Variants in TRHDE observed in about 807,000 individuals in gnomAD.
The protein encoded by TRHDE is thyrotropin-releasing hormone-degrading ectoenzyme.
Under a neutral mutation model 125.7 loss-of-function variants are expected in TRHDE, and 72 were observed. The ratio of observed to expected loss-of-function variants is 0.57; its 90% CI spans 0.47 to 0.70. The LOEUF is 0.70. Among genes scored for constraint, TRHDE ranks in the 30% least tolerant of loss-of-function variants. TRHDE has a pLI of 0.00. For missense variants in TRHDE, 1,110 were observed against 1,327.1 expected (o/e 0.84, Z 2.54); for synonymous variants, 509 against 509.1 (o/e 1.00, Z 0.00).
At chr12:72,371,840 C>G (rs57916278) in intron 2 of TRHDE, among the ~76,000 whole-genome samples, 3 of 152,006 alleles carry the variant, frequency 2.0e-5, no homozygotes, top group Non-Finnish European at 4.4e-5. Flanking sequence ...TGAATAGTGC[C>G]GCAATAAACA....
intron 6 of TRHDE, among the ~76,000 whole-genome samples, chr12:72,520,559 T>C (rs928320280): frequency 3.3e-5 from 5 of 152,160 alleles, no homozygotes; most frequent in East Asian, 1.9e-4. Flanking sequence ...CCTAGTGAGA[T>C]GAACCCGGTA....
chr12:72,297,461 G>A (rs1305845589), intron 2 of TRHDE, among the ~76,000 whole-genome samples: 2 of 152,138 alleles, frequency 1.3e-5, no homozygotes, highest in Non-Finnish European at 1.5e-5. Flanking sequence ...CATGGAGTGA[G>A]CAGAAAGTAA....
intron 7 of TRHDE, among the ~76,000 whole-genome samples, chr12:72,558,911 G>A (rs1252814285): frequency 6.6e-6 from 1 of 152,112 alleles, no homozygotes; most frequent in Non-Finnish European, 1.5e-5. Flanking sequence ...TATCTATGTG[G>A]CTTGGATATC....
intron 2 of TRHDE, among the ~76,000 whole-genome samples, chr12:72,234,251 AG>A (rs2139375974): frequency 6.6e-6 from 1 of 152,302 alleles, no homozygotes; most frequent in South Asian, 2.1e-4. Context: ...TTTGTCAAAA[AG>A]ATGTTATCTT....
At chr12:72,181,067 A>G (rs111722276) in intron 2 of TRHDE, among the ~76,000 whole-genome samples, 2 of 152,188 alleles carry the variant, frequency 1.3e-5, no homozygotes, top group African/African-American at 2.4e-5. Context: ...AAGAAGGTAG[A>G]AGAAGACTGA....
At chr12:72,379,723 A>G (rs765823228) in intron 3 of TRHDE, among the ~76,000 whole-genome samples, 1 of 152,192 alleles carries the variant, frequency 6.6e-6, no homozygotes, top group Non-Finnish European at 1.5e-5. Flanking sequence ...CTCACAATTG[A>G]ACCACGCAGC....
At position 72,621,158 on chromosome 12, in the gene TRHDE, G is replaced by A. The variant is rs574504129; in HGVS notation, c.2520G>A (p.Pro840=). ...VATTYIKLGW[P]KNNFNGSLVQ... is the part of the protein sequence containing the mutation. ...CAACATATATCAAGCTTGGGTGGCCGAAAAATAATTTTAATGGATCTCTTG... is the reference window on the plus strand; with the variant it reads ...CAACATATATCAAGCTTGGGTGGCCAAAAAATAATTTTAATGGATCTCTTG... Residue 840 remains proline, a synonymous_variant, in exon 14 of 19, where the codon CCG becomes CCA. Coordinates refer to ENST00000261180, the MANE Select transcript of TRHDE (RefSeq NM_013381.3). The A allele has an allele frequency of 4.8e-5, 77 of 1,611,886 alleles. No individual in the cohort carries two copies. Among genetic ancestry groups the A allele is most frequent in the South Asian group, 2.4e-4 (22 of 91,016 alleles).
intron 12 of TRHDE, among the ~76,000 whole-genome samples, chr12:72,597,381 A>G (rs1874149821): frequency 6.6e-6 from 1 of 152,026 alleles, no homozygotes; most frequent in Non-Finnish European, 1.5e-5. Context: ...GAAAACTAAG[A>G]GAGGGGCCAG....
chr12:72,390,705 G>A (rs1333940866), intron 3 of TRHDE, among the ~76,000 whole-genome samples: 2 of 152,234 alleles, frequency 1.3e-5, no homozygotes, highest in African/African-American at 4.8e-5. Context: ...GACACTCCAT[G>A]ATTACTTATT....
rs1432171131 is a variant in TRHDE, at chr12:72,652,443, T to C, written c.2797T>C (p.Leu933=). 6.2e-7 allele frequency: 1 copy of C among 1,608,914 alleles called. No individual in the cohort carries two copies. Among genetic ancestry groups the C allele is most frequent in the Non-Finnish European group, 8.5e-7 (1 of 1,177,300 alleles). Residue 933 remains leucine, a synonymous_variant, in exon 16 of 19, where the codon TTA becomes CTA. Transcript: ENST00000261180. Reference sequence around the variant, plus strand: ...CACAGCAGTTTCTGAGAAGAAAATATTATTGGAAGCCTTAACTTGCAGTGA... The same window carrying C: ...CACAGCAGTTTCTGAGAAGAAAATACTATTGGAAGCCTTAACTTGCAGTGA... The part of the protein sequence containing the change: ...STTAVSEKKI[L]LEALTCSDDR...
chr12:72,634,943 A>G (rs192099619), intron 15 of TRHDE, among the ~76,000 whole-genome samples: 91 of 152,310 alleles, frequency 6.0e-4, no homozygotes, highest in African/African-American at 2.1e-3. Context: ...GCTGTTGTGA[A>G]TAATGACACA....
At chr12:72,600,049 C>G (rs1193972159) in intron 12 of TRHDE, among the ~76,000 whole-genome samples, 1 of 151,904 alleles carries the variant, frequency 6.6e-6, no homozygotes, top group Non-Finnish European at 1.5e-5. Flanking sequence ...GATCAGATGG[C>G]TGTAGGTGTG....
At chr12:72,419,433 G>C (rs192736399) in intron 3 of TRHDE, among the ~76,000 whole-genome samples, 1 of 152,116 alleles carries the variant, frequency 6.6e-6, no homozygotes, top group Non-Finnish European at 1.5e-5. Context: ...TGGCACCAGC[G>C]TCTGCTCCTG....
chr12:72,618,675 G>C (rs1054390742), intron 12 of TRHDE, among the ~76,000 whole-genome samples: 1 of 152,006 alleles, frequency 6.6e-6, no homozygotes, highest in Admixed American at 6.6e-5. Flanking sequence ...TGATGTTTTT[G>C]TATTCGTAAA....
At chr12:72,505,948 G>A (rs979880068) in intron 6 of TRHDE, among the ~76,000 whole-genome samples, 3 of 152,064 alleles carry the variant, frequency 2.0e-5, no homozygotes, top group African/African-American at 4.8e-5. Flanking sequence ...CACTATTAAC[G>A]CTACACACAG....
At chr12:72,438,141 T>C (rs1209369862) in intron 3 of TRHDE, among the ~76,000 whole-genome samples, 3 of 151,878 alleles carry the variant, frequency 2.0e-5, no homozygotes, top group African/African-American at 7.2e-5. Flanking sequence ...AGTATTTCAT[T>C]GTGTATATAT....
intron 14 of TRHDE, 35 bp downstream of exon 14, chr12:72,621,240 C>G (rs1406044022): frequency 1.4e-6 from 2 of 1,380,548 alleles, no homozygotes; most frequent in Middle Eastern, 3.6e-4. Flanking sequence ...TTCTTTACCC[C>G]TAGAGCTGTA....
rs564973497 is a variant in TRHDE, at chr12:72,527,781, A to G, written c.1723-14510A>G. Among the ~76,000 whole-genome samples, 6 of 152,270 alleles carry G rather than the reference A, an allele frequency of 3.9e-5. No individual in the cohort carries two copies. The South Asian group carries it at 1.2e-3, about 32-fold the overall frequency. ...ATCAATATTATATACATCAACATAC[A>G]CAATAAAATATTAGAAAAGAAAAAC... On this transcript the variant is annotated intron_variant, in intron 6 of 18. Coordinates refer to ENST00000261180, the MANE Select transcript of TRHDE (RefSeq NM_013381.3).
chr12:72,512,299 C>T (rs1457818603), intron 6 of TRHDE, among the ~76,000 whole-genome samples: 1 of 150,290 alleles, frequency 6.7e-6, no homozygotes, highest in East Asian at 1.9e-4. Context: ...ATGACTTTTG[C>T]AGTGGGTTTA....
Sources: gnomAD v4.1 joint callset for allele counts (sites outside exome capture counted in the v4.1 genomes callset) on GRCh38, gnomAD v4.1.1 for gene constraint, MANE v1.5 for transcripts, NCBI Gene and HGNC (gene_info 2026-07-23, HGNC 2026-07-21) for gene names.